Variants in TLE4 observed in about 807,000 individuals in gnomAD.
TLE4 encodes transducin-like enhancer protein 4.
Under a neutral mutation model 92.8 loss-of-function variants are expected in TLE4, and 8 were observed. The observed-to-expected ratio is 0.09, with a 90% CI of 0.05 to 0.16. The LOEUF (loss-of-function observed/expected upper bound fraction) is 0.16, where lower values mean the gene tolerates loss of function less well. TLE4 is among the 10% of genes least tolerant of loss of function. The pLI is 1.00. For missense variants in TLE4, 675 were observed against 997.6 expected, an observed-to-expected ratio of 0.68 and a Z score of 4.36; for synonymous variants, 371 against 374.1, an observed-to-expected ratio of 0.99 and a Z score of 0.10.
chr9:79,723,411 TTTTTA>T (rs2075950611), intron 19 of TLE4, among the ~76,000 whole-genome samples: 1 of 152,256 alleles, frequency 6.6e-6, no homozygotes, highest in South Asian at 2.1e-4. Flanking sequence ...AGTAGTAGTT[TTTTTA>T]TTTTATTTTT....
At chr9:79,618,844 G>C (rs1481854525) in intron 5 of TLE4, among the ~76,000 whole-genome samples, 1 of 152,190 alleles carries the variant, frequency 6.6e-6, no homozygotes, top group East Asian at 1.9e-4. Context: ...TTTAACAAAT[G>C]AAATAAAGAA....
At chr9:79,682,024 A>T (rs983645710) in intron 8 of TLE4, among the ~76,000 whole-genome samples, 20 of 152,170 alleles carry the variant, frequency 1.3e-4, no homozygotes, top group Admixed American at 4.6e-4. Context: ...TATTGTTAAG[A>T]TGTGGTGCCA....
intron 6 of TLE4, chr9:79,649,760 G>A: frequency 7.6e-7 from 1 of 1,315,690 alleles, no homozygotes; most frequent in South Asian, 1.2e-5. Flanking sequence ...TATGATTTCT[G>A]CCTTTGAAAA....
intron 6 of TLE4, among the ~76,000 whole-genome samples, chr9:79,639,714 G>C (rs1212300503): frequency 6.6e-6 from 1 of 152,096 alleles, no homozygotes; most frequent in Non-Finnish European, 1.5e-5. Flanking sequence ...ATTCAGTGCA[G>C]TAACATGCTG....
At chr9:79,680,774 A>G (rs1040334422) in intron 8 of TLE4, among the ~76,000 whole-genome samples, 10 of 152,288 alleles carry the variant, frequency 6.6e-5, no homozygotes, top group Middle Eastern at 3.4e-3. Context: ...TGTCATAGAT[A>G]GCTTTTATTA....
At chr9:79,721,607 T>G in intron 16 of TLE4, 134 bp from the exon 17 acceptor site, 1 of 1,354,884 alleles carries the variant, frequency 7.4e-7, no homozygotes. Context: ...CTTTGAATAA[T>G]TAGAAACCAT....
chr9:79,612,518 G>A (rs1193267673), intron 4 of TLE4, 138 bp from the exon 5 acceptor site: 6 of 724,566 alleles, frequency 8.3e-6, no homozygotes, highest in South Asian at 1.6e-5. Flanking sequence ...GCTTACTGAT[G>A]AGATAGTTTT....
intron 8 of TLE4, among the ~76,000 whole-genome samples, chr9:79,661,214 A>G (rs1191756627): frequency 6.6e-6 from 1 of 152,182 alleles, no homozygotes; most frequent in African/African-American, 2.4e-5. Flanking sequence ...ATTCCAAAGA[A>G]TCGTTCACCA....
At chr9:79,686,459 G>A (rs1227503793) in intron 8 of TLE4, among the ~76,000 whole-genome samples, 1 of 152,144 alleles carries the variant, frequency 6.6e-6, no homozygotes, top group Non-Finnish European at 1.5e-5. Flanking sequence ...TTTAGAAATA[G>A]GGTCTTGGCA....
intron 1 of TLE4, chr9:79,573,224 G>A: frequency 9.9e-7 from 1 of 1,010,212 alleles, no homozygotes; most frequent in Non-Finnish European, 1.2e-6. Flanking sequence ...GGAAGTGCGG[G>A]GCGCCGGCCC....
intron 8 of TLE4, among the ~76,000 whole-genome samples, chr9:79,702,261 G>A (rs941698261): frequency 2.0e-5 from 3 of 152,172 alleles, no homozygotes; most frequent in Middle Eastern, 3.2e-3. Context: ...CCTGTGAACA[G>A]TAGGAAACTG....
chr9:79,654,986 A>C (rs967099052), intron 8 of TLE4, among the ~76,000 whole-genome samples: 1 of 152,210 alleles, frequency 6.6e-6, no homozygotes, highest in Non-Finnish European at 1.5e-5. Context: ...TATTAAAAAT[A>C]CAAACATTAG....
chr9:79,584,056 G>A (rs1399555808), intron 4 of TLE4, among the ~76,000 whole-genome samples: 1 of 152,210 alleles, frequency 6.6e-6, no homozygotes, highest in Admixed American at 6.5e-5. Flanking sequence ...CAGAGTTCAC[G>A]CAGGTCAGCG....
At chr9:79,577,785 T>C (rs1051901206) in intron 4 of TLE4, among the ~76,000 whole-genome samples, 1 of 152,164 alleles carries the variant, frequency 6.6e-6, no homozygotes, top group Non-Finnish European at 1.5e-5. Context: ...CCCTAACCAC[T>C]TAGTTTCCAG....
chr9:79,664,085 C>T (rs960826168), intron 8 of TLE4, among the ~76,000 whole-genome samples: 1 of 152,192 alleles, frequency 6.6e-6, no homozygotes, highest in Non-Finnish European at 1.5e-5. Context: ...TTGGACCACT[C>T]GGGCTTGTGC....
chr9:79,628,873 AGTGTGTGTGTGTGTGTGT>A (rs34212290), intron 6 of TLE4, among the ~76,000 whole-genome samples: 2 of 148,098 alleles, frequency 1.4e-5, no homozygotes, highest in Admixed American at 1.3e-4. Flanking sequence ...TTTAAAGTTA[AGTGTGTGTGTGTGTGTGT>A]GTGTGTGTGT....
chr9:79,724,783 G>T (rs2076186570), intron 19 of TLE4, among the ~76,000 whole-genome samples: 1 of 139,922 alleles, frequency 7.1e-6, no homozygotes, highest in Non-Finnish European at 1.5e-5. Flanking sequence ...GAAGGTCGAG[G>T]CTACAGTGAG....
At chr9:79,690,489 T>C (rs1042094005) in intron 8 of TLE4, among the ~76,000 whole-genome samples, 6 of 152,220 alleles carry the variant, frequency 3.9e-5, no homozygotes, top group Non-Finnish European at 7.3e-5. Flanking sequence ...TCAGTAGTTA[T>C]GAAGTTCCTA....
chr9:79,641,118 T>C (rs1428257059), intron 6 of TLE4, among the ~76,000 whole-genome samples: 2 of 145,172 alleles, frequency 1.4e-5, no homozygotes, highest in African/African-American at 5.2e-5. Flanking sequence ...ACTTTAAAAC[T>C]TAAAAAAAAA....
Sources: gnomAD v4.1 joint callset for allele counts (sites outside exome capture counted in the v4.1 genomes callset) on GRCh38, gnomAD v4.1.1 for gene constraint, MANE v1.5 for transcripts, NCBI Gene and HGNC (gene_info 2026-07-23, HGNC 2026-07-21) for gene names.